The following ARHGEF18 variants were observed in gnomAD, a reference collection of about 807,000 sequenced individuals.
ARHGEF18 encodes Rho/Rac guanine nucleotide exchange factor 18.
Under a neutral mutation model 155.7 loss-of-function variants are expected in ARHGEF18, and 93 were observed. The observed-to-expected ratio is 0.60, with a 90% CI of 0.50 to 0.71. The LOEUF (loss-of-function observed/expected upper bound fraction) is 0.71, where lower values mean the gene tolerates loss of function less well. Among genes scored for constraint, ARHGEF18 ranks in the 30% least tolerant of loss-of-function variants. The pLI is 0.00. For missense variants in ARHGEF18, 1,593 were observed against 1,816.1 expected, an observed-to-expected ratio of 0.88 and a Z score of 2.23; for synonymous variants, 742 against 753.1, an observed-to-expected ratio of 0.99 and a Z score of 0.24.
chr19:7,476,267 G>A (rs575874308), downstream of ARHGEF18, among the ~76,000 whole-genome samples: 216 of 152,292 alleles, frequency 1.4e-3, 1 homozygote, highest in Non-Finnish European at 6.0e-4. Flanking sequence ...GGCTATGATC[G>A]CACCACTGCA....
At chr19:7,417,072 C>T (rs1050800201) in intron 10 of ARHGEF18, among the ~76,000 whole-genome samples, 7 of 151,956 alleles carry the variant, frequency 4.6e-5, no homozygotes, top group Non-Finnish European at 8.8e-5. Flanking sequence ...ACCACACCTG[C>T]GTAATTTTTG....
At chr19:7,374,601 C>G (rs1341687246) in intron 3 of ARHGEF18, among the ~76,000 whole-genome samples, 1 of 151,938 alleles carries the variant, frequency 6.6e-6, no homozygotes, top group Non-Finnish European at 1.5e-5. Flanking sequence ...TCGCTTGAAC[C>G]CAGGAGACAG....
Position 7,470,357 on chromosome 19 carries a change from T to TG in ARHGEF18, c.*63dup. ...TGCCCTGCCCACCCTTCCTGCTCTC[T>TG]GGGGACCCCCATGGGGTCACCATGC... On this transcript the variant is annotated 3_prime_UTR_variant, in exon 29 of 29. Coordinates refer to ENST00000668164, the MANE Select transcript of ARHGEF18 (RefSeq NM_001367823.1). This position sits in a 1 kb window ranked among gnomAD's most constrained non-coding sequence, Gnocchi z 5.9. 1 of 1,379,824 alleles carries TG rather than the reference T, an allele frequency of 7.2e-7. No individual in the cohort carries two copies. The highest frequency in any genetic ancestry group is 9.4e-7 in the Non-Finnish European group (1 of 1,062,054). The allele number at this position is 1,379,824 out of a possible 1,614,324, so 85.5% of individuals were successfully genotyped here. A position where few individuals can be genotyped will look rare whatever the true frequency, so the allele number is the denominator to read the frequency against.
chr19:7,357,407 TGGG>T (rs1011684524), intron 1 of ARHGEF18, among the ~76,000 whole-genome samples: 2 of 152,118 alleles, frequency 1.3e-5, no homozygotes, highest in Non-Finnish European at 2.9e-5. Context: ...TGCTAGCAGG[TGGG>T]GGAGTGAGCT....
chr19:7,458,763 T>C, intron 19 of ARHGEF18, 73 bp downstream of exon 19: 1 of 1,493,776 alleles, frequency 6.7e-7, no homozygotes. Flanking sequence ...GCTTCGACCG[T>C]TGGCCATCAG....
chr19:7,455,999 C>T (rs1397109413), intron 17 of ARHGEF18, among the ~76,000 whole-genome samples: 4 of 152,198 alleles, frequency 2.6e-5, no homozygotes, highest in Admixed American at 6.5e-5. Flanking sequence ...GCAGCCAAAC[C>T]GTATCAGATT....
downstream of ARHGEF18, among the ~76,000 whole-genome samples, chr19:7,474,025 A>C (rs1441177343): frequency 3.3e-5 from 5 of 151,184 alleles, no homozygotes; most frequent in Non-Finnish European, 7.4e-5. Context: ...GGATAGAAAA[A>C]AGAAATGAAA....
chr19:7,457,104 G>A (rs1975884644), intron 18 of ARHGEF18, among the ~76,000 whole-genome samples: 1 of 152,114 alleles, frequency 6.6e-6, no homozygotes, highest in African/African-American at 2.4e-5. Flanking sequence ...TGGACTGGGT[G>A]GTTTAGACCA....
chr19:7,362,643 C>T (rs1969678529), intron 1 of ARHGEF18, 138 bp from the exon 2 acceptor site: 2 of 729,044 alleles, frequency 2.7e-6, no homozygotes, highest in Non-Finnish European at 3.8e-6. Context: ...AGACCATCTT[C>T]CCCCTCCCCT....
downstream of ARHGEF18, chr19:7,472,739 G>A (rs930280919): frequency 7.2e-5 from 24 of 334,390 alleles, no homozygotes; most frequent in South Asian, 4.5e-4. Flanking sequence ...TTGCTCTGTC[G>A]CCCAGGCTGG....
At position 7,444,127 on chromosome 19, in the gene ARHGEF18, G is replaced by A. The variant is rs1974842465; in HGVS notation, c.1361-77G>A. 3 of 1,566,480 alleles carry A rather than the reference G, an allele frequency of 1.9e-6. No homozygotes were observed. The African/African-American group carries it at 4.1e-5, about 21-fold the overall frequency. On this transcript the variant is annotated intron_variant, in intron 13 of 28. Coordinates refer to ENST00000668164, the MANE Select transcript of ARHGEF18 (RefSeq NM_001367823.1). The surrounding 1 kb of genome is among the most constrained non-coding windows in gnomAD (Gnocchi z 4.7). ...CTCAGAAGCCAGTTCAGCACGTGAA[G>A]GGCAGGCAGCACCCACGACTGCCCA...
chr19:7,413,167 C>T (rs898349286), intron 10 of ARHGEF18, among the ~76,000 whole-genome samples: 2 of 152,044 alleles, frequency 1.3e-5, no homozygotes, highest in Admixed American at 1.3e-4. Context: ...TATGGTGGCT[C>T]ATGCCTGCAA....
intron 10 of ARHGEF18, among the ~76,000 whole-genome samples, chr19:7,435,577 T>C (rs534155566): frequency 6.6e-6 from 1 of 152,040 alleles, no homozygotes; most frequent in African/African-American, 2.4e-5. Flanking sequence ...GAGAGCCCCA[T>C]AAAGGAGGCA....
In ARHGEF18 at chr19:7,376,719, T is replaced by C; in HGVS notation, c.503T>C (p.Ile168Thr). Residue 168 changes from isoleucine (I) to threonine (T), a missense_variant, in exon 5 of 29, where the codon ATC becomes ACC. By Grantham distance (89) the Ile-to-Thr change is moderately conservative (BLOSUM62 -1). Transcript: ENST00000668164. ...VSFYEIRSPE[I>T]SPGLEVPTPP... ...TTCTATGAGATCCGCTCTCCGGAAA[T>C]CTCTCCGGGTTTGGAAGTGCCCACT... 8.1e-7 allele frequency: 1 copy of C among 1,234,404 alleles called. No homozygotes were observed. Among genetic ancestry groups the C allele is most frequent in the Non-Finnish European group, 1.0e-6 (1 of 988,218 alleles). The allele number at this position is 1,234,404 out of a possible 1,614,324, so 76.5% of individuals were successfully genotyped here. A position where few individuals can be genotyped will look rare whatever the true frequency, so the allele number is the denominator to read the frequency against.
chr19:7,411,516 A>T (rs1268484151), intron 10 of ARHGEF18, among the ~76,000 whole-genome samples: 5 of 152,160 alleles, frequency 3.3e-5, no homozygotes, highest in African/African-American at 9.7e-5. Flanking sequence ...CATGTTGGCC[A>T]GGCTGGTCTT....
Position 7,466,994 on chromosome 19 carries a change from C to T in ARHGEF18, c.2961+20C>T. The stretch of plus-strand genomic sequence containing the variant: ...TCGGAGGTAGGCGCCCGCGGGTCTC[C>T]ATCTCCCCAGGGCCTTGTGCACGCG... On this transcript the variant is annotated intron_variant, in intron 24 of 28. Transcript: ENST00000668164. 6.2e-7 allele frequency: 1 copy of T among 1,613,446 alleles called. No individual in the cohort carries two copies.
At position 7,463,847 on chromosome 19, in the gene ARHGEF18, C is replaced by T. The variant is rs779468719; in HGVS notation, c.2665C>T (p.Gln889Ter). ...GGGCATCCAGAGCCTGATCTGCAGG[C>T]AGCTGGGCAGCGCCAACGGCCAGGC... is the stretch of plus-strand genomic sequence containing the variant. ...IEGIQSLICRQLGSANGQAED... is the reference protein window; with the variant it reads ...IEGIQSLICR Residue 889 changes from glutamine to a stop codon, truncating the protein, a stop_gained, in exon 22 of 29, where the codon CAG becomes TAG. Transcript: ENST00000668164. LOFTEE classifies it high-confidence loss of function. The surrounding 1 kb of genome is among the most constrained non-coding windows in gnomAD (Gnocchi z 5.2). 3.2e-5 allele frequency: 52 copies of T among 1,606,646 alleles called. No individual in the cohort carries two copies. Among genetic ancestry groups the T allele is most frequent in the African/African-American group, 3.2e-4 (24 of 74,820 alleles).
chr19:7,470,336 C>T lies in ARHGEF18; in HGVS notation c.*38C>T. 1 of 1,436,028 alleles carries T rather than the reference C, an allele frequency of 7.0e-7. No homozygotes were observed. Among genetic ancestry groups the T allele is most frequent in the Non-Finnish European group, 9.2e-7 (1 of 1,089,666 alleles). The allele number at this position is 1,436,028 out of a possible 1,614,324, so 89.0% of individuals were successfully genotyped here. A position where few individuals can be genotyped will look rare whatever the true frequency, so the allele number is the denominator to read the frequency against. On this transcript the variant is annotated 3_prime_UTR_variant, in exon 29 of 29. Coordinates refer to ENST00000668164, the MANE Select transcript of ARHGEF18 (RefSeq NM_001367823.1). This position sits in a 1 kb window ranked among gnomAD's most constrained non-coding sequence, Gnocchi z 5.9. Reference sequence around the variant, plus strand: ...TCAAGGTGCAAGGCCCCTCCCTGCCCTGCCCACCCTTCCTGCTCTCTGGGG... The same window carrying T: ...TCAAGGTGCAAGGCCCCTCCCTGCCTTGCCCACCCTTCCTGCTCTCTGGGG...
At chr19:7,373,769 C>T (rs1970310912) in intron 3 of ARHGEF18, among the ~76,000 whole-genome samples, 1 of 151,834 alleles carries the variant, frequency 6.6e-6, no homozygotes, top group Admixed American at 6.6e-5. Flanking sequence ...CCACCGCACC[C>T]AGCCTAGATT....
Sources: allele counts gnomAD v4.1 joint callset (sites outside exome capture counted in the v4.1 genomes callset), GRCh38; gene constraint gnomAD v4.1.1; non-coding constraint Gnocchi (gnomAD v3.1); transcripts MANE v1.5; gene names NCBI Gene and HGNC (gene_info 2026-07-23, HGNC 2026-07-21).